The following FSTL5 variants were observed in gnomAD, a reference collection of about 807,000 sequenced individuals.
The protein encoded by FSTL5 is follistatin-related protein 5.
In FSTL5, 62 loss-of-function variants were observed where a neutral mutation model predicts 89.1. The ratio of observed to expected loss-of-function variants is 0.70; its 90% CI spans 0.57 to 0.86. FSTL5 has a LOEUF of 0.86. FSTL5 is among the 40% of genes least tolerant of loss of function. The probability of loss-of-function intolerance (pLI) is 0.00; values close to 1 mark genes in which losing one functional copy is unlikely to be tolerated. For synonymous variants in FSTL5, 383 were observed against 346.2 expected, an observed-to-expected ratio of 1.11 and a Z score of -1.18; for missense variants, 1,057 against 1,001.6, an observed-to-expected ratio of 1.06 and a Z score of -0.75.
At chr4:161,581,632 C>A (rs1441633076) in intron 8 of FSTL5, among the ~76,000 whole-genome samples, 1 of 152,226 alleles carries the variant, frequency 6.6e-6, no homozygotes, top group Admixed American at 6.5e-5. Flanking sequence ...ATCTGTATAT[C>A]TGGCTTTTGT....
intron 12 of FSTL5, among the ~76,000 whole-genome samples, chr4:161,485,862 G>A (rs1489504802): frequency 1.3e-5 from 2 of 152,124 alleles, no homozygotes; most frequent in Non-Finnish European, 2.9e-5. Flanking sequence ...ATGAGGCCGG[G>A]CGCAGCAGCT....
intron 10 of FSTL5, among the ~76,000 whole-genome samples, chr4:161,534,499 A>G (rs1229158451): frequency 6.6e-6 from 1 of 152,080 alleles, no homozygotes; most frequent in African/African-American, 2.4e-5. Flanking sequence ...TATGTAATAC[A>G]TAGGAATTTA....
At chr4:161,764,893 G>C (rs968472842) in intron 5 of FSTL5, among the ~76,000 whole-genome samples, 3 of 151,990 alleles carry the variant, frequency 2.0e-5, no homozygotes, top group African/African-American at 7.3e-5. Flanking sequence ...TGTTTGTTAC[G>C]AACAGCGCTT....
chr4:161,606,392 C>T (rs1309873255), intron 7 of FSTL5, among the ~76,000 whole-genome samples: 4 of 151,768 alleles, frequency 2.6e-5, no homozygotes, highest in Non-Finnish European at 4.4e-5. Flanking sequence ...GGACTACAGG[C>T]GTAATTTTTT....
At chr4:162,100,426 G>A (rs916051213) in intron 2 of FSTL5, among the ~76,000 whole-genome samples, 3 of 152,132 alleles carry the variant, frequency 2.0e-5, no homozygotes, top group Non-Finnish European at 4.4e-5. Flanking sequence ...CAGGTGTGGT[G>A]AGGAAATTCC....
At chr4:161,683,866 C>A (rs565687427) in intron 6 of FSTL5, among the ~76,000 whole-genome samples, 1 of 152,140 alleles carries the variant, frequency 6.6e-6, no homozygotes, top group African/African-American at 2.4e-5. Context: ...ATACACTGCA[C>A]CCAATTTGTG....
At chr4:161,437,670 C>T (rs1732617753) in intron 15 of FSTL5, among the ~76,000 whole-genome samples, 2 of 151,156 alleles carry the variant, frequency 1.3e-5, no homozygotes, top group South Asian at 2.1e-4. Flanking sequence ...GAAGCAATGA[C>T]TTAATTACAA....
At chr4:161,423,447 G>A (rs1312043931) in intron 15 of FSTL5, among the ~76,000 whole-genome samples, 1 of 151,992 alleles carries the variant, frequency 6.6e-6, no homozygotes, top group Non-Finnish European at 1.5e-5. Flanking sequence ...TTGAATTTTA[G>A]ATTTTTTAAA....
chr4:161,759,563 AT>A, intron 5 of FSTL5, 32 bp from the exon 6 acceptor site: 1 of 1,337,920 alleles, frequency 7.5e-7, no homozygotes, highest in East Asian at 2.6e-5. Context: ...ATACCTTTAG[AT>A]TTGTGTCTTA....
intron 8 of FSTL5, among the ~76,000 whole-genome samples, chr4:161,566,953 C>T (rs1275201244): frequency 2.0e-5 from 3 of 152,028 alleles, no homozygotes; most frequent in African/African-American, 7.2e-5. Flanking sequence ...ATTTCTAAAA[C>T]ATTCTTCCCA....
At position 161,427,457 on chromosome 4, in the gene FSTL5, G is replaced by T. The variant is rs1379731004; in HGVS notation, c.1841+27547C>A. 3.3e-5 allele frequency among the ~76,000 whole-genome samples: 5 copies of T among 152,264 alleles called. No homozygotes were observed. The East Asian group carries it at 9.7e-4, about 29-fold the overall frequency. ...GAGGATTCACTGCATAAGGATTTTGGCTCTGGAGCTTCCAACAGCATTGCT... is the reference window on the plus strand; with the variant it reads ...GAGGATTCACTGCATAAGGATTTTGTCTCTGGAGCTTCCAACAGCATTGCT... On this transcript the variant is annotated intron_variant, in intron 15 of 15. Coordinates refer to ENST00000306100, the MANE Select transcript of FSTL5 (RefSeq NM_020116.5).
chr4:161,605,596 GTA>G (rs886358585), intron 7 of FSTL5, among the ~76,000 whole-genome samples: 21 of 152,166 alleles, frequency 1.4e-4, no homozygotes, highest in African/African-American at 4.8e-4. Context: ...TTATTTTATG[GTA>G]AAAAAACGAA....
chr4:161,752,922 T>G (rs942072004), intron 6 of FSTL5, among the ~76,000 whole-genome samples: 1 of 152,192 alleles, frequency 6.6e-6, no homozygotes, highest in East Asian at 1.9e-4. Flanking sequence ...CATTAGTTTA[T>G]AAGCCAGGAA....
chr4:161,496,578 T>G (rs970334242), intron 12 of FSTL5, among the ~76,000 whole-genome samples: 1 of 152,140 alleles, frequency 6.6e-6, no homozygotes, highest in African/African-American at 2.4e-5. Context: ...GAATTTAAGA[T>G]TCAAGACTAC....
At chr4:161,765,418 A>G (rs906544972) in intron 5 of FSTL5, among the ~76,000 whole-genome samples, 1 of 152,224 alleles carries the variant, frequency 6.6e-6, no homozygotes, top group Non-Finnish European at 1.5e-5. Context: ...TAGCAAATAA[A>G]TATGTTGACT....
At chr4:161,734,283 A>G (rs1007817890) in intron 6 of FSTL5, among the ~76,000 whole-genome samples, 1 of 152,204 alleles carries the variant, frequency 6.6e-6, no homozygotes, top group Non-Finnish European at 1.5e-5. Context: ...TTCCTTTACA[A>G]ACAGAAATAA....
chr4:161,482,522 A>T (rs1729549629), intron 12 of FSTL5, among the ~76,000 whole-genome samples: 1 of 152,176 alleles, frequency 6.6e-6, no homozygotes, highest in Non-Finnish European at 1.5e-5. Context: ...TTCAGCAGAG[A>T]TACCATTCAT....
At chr4:161,547,424 A>G (rs1271038705) in intron 8 of FSTL5, among the ~76,000 whole-genome samples, 1 of 151,966 alleles carries the variant, frequency 6.6e-6, no homozygotes, top group Non-Finnish European at 1.5e-5. Flanking sequence ...AGCATAGATA[A>G]CTAATAAAAT....
In FSTL5 at chr4:161,477,489, CT is replaced by C. The variant is rs547864710; in HGVS notation, c.1608+3530del. Reference sequence around the variant, plus strand: ...TTCATTTTGACCAAAATATTAACTTCTCCCTTCTCTTTCTATTGTCTACTTT... The same window carrying C: ...TTCATTTTGACCAAAATATTAACTTCCCCTTCTCTTTCTATTGTCTACTTT... On this transcript the variant is annotated intron_variant, in intron 13 of 15. Coordinates refer to ENST00000306100, the MANE Select transcript of FSTL5 (RefSeq NM_020116.5). Among the ~76,000 whole-genome samples the C allele has an allele frequency of 6.6e-5, 10 of 150,622 alleles. No individual in the cohort carries two copies. The South Asian group carries it at 1.7e-3, about 25-fold the overall frequency.
Sources: gnomAD v4.1 joint callset for allele counts (sites outside exome capture counted in the v4.1 genomes callset) on GRCh38, gnomAD v4.1.1 for gene constraint, MANE v1.5 for transcripts, NCBI Gene and HGNC (gene_info 2026-07-23, HGNC 2026-07-21) for gene names.